The following NGFR variants were observed in gnomAD, a reference collection of about 807,000 sequenced individuals.
NGFR encodes the protein tumor necrosis factor receptor superfamily member 16.
In NGFR, 30 loss-of-function variants were observed where a neutral mutation model predicts 43.2. The ratio of observed to expected loss-of-function variants is 0.69; its 90% CI spans 0.52 to 0.94. NGFR has a LOEUF of 0.94. Among genes scored for constraint, NGFR ranks in the 40% least tolerant of loss-of-function variants. NGFR has a pLI of 0.00. For synonymous variants in NGFR, 246 were observed against 259.6 expected (o/e 0.95, Z 0.50); for missense variants, 529 against 602.5 (o/e 0.88, Z 1.28).
rs534686344 is a variant in NGFR at position 49,495,330 on chromosome 17, G to T, written c.-88G>T. 2.8e-6 allele frequency: 3 copies of T among 1,078,950 alleles called. No homozygotes were observed. Among genetic ancestry groups the T allele is most frequent in the Non-Finnish European group, 3.5e-6 (3 of 849,932 alleles). 66.8% of individuals were successfully genotyped at this position (1,078,950 alleles called of 1,614,324 possible). The stretch of plus-strand genomic sequence containing the variant: ...GCCGCGGCCAGCTCCGGCGGGCAGG[G>T]GGGGCGCTGGAGCGCAGCGCAGCGC... On this transcript the variant is annotated 5_prime_UTR_variant, in exon 1 of 6. Transcript: ENST00000172229. This position sits in a 1 kb window ranked among gnomAD's most constrained non-coding sequence, Gnocchi z 6.4.
chr17:49,506,021 G>A lies in NGFR; in HGVS notation c.209-278G>A, dbSNP rs114532657. The stretch of plus-strand genomic sequence containing the variant: ...CAAAGAGAATTTGCCAAGAAACTTA[G>A]CGGCACCAGCTGGGTTATGCCGGAA... On this transcript the variant is annotated intron_variant, in intron 2 of 5. Transcript: ENST00000172229. 2,382 of 489,150 alleles carry A rather than the reference G, an allele frequency of 4.9e-3. 45 individuals carry two copies. Among genetic ancestry groups the A allele is most frequent in the African/African-American group, 0.036 (1,839 of 50,666 alleles). 30.3% of individuals were successfully genotyped at this position (489,150 alleles called of 1,614,324 possible). A position where few individuals can be genotyped will look rare whatever the true frequency, so the allele number is the denominator to read the frequency against.
At position 49,498,138 on chromosome 17, in the gene NGFR, G is replaced by A. The variant is rs116295795; in HGVS notation, c.66+2655G>A. Among the ~76,000 whole-genome samples, 567 of 152,260 alleles carry A rather than the reference G, an allele frequency of 3.7e-3. 4 individuals are homozygous for A. Among genetic ancestry groups the A allele is most frequent in the African/African-American group, 0.013 (540 of 41,536 alleles). On this transcript the variant is annotated intron_variant, in intron 1 of 5. Transcript: ENST00000172229. Reference sequence around the variant, plus strand: ...CCAGTGAGTCAGTGGTGGCGTCTTTGTTGGAACCCAGGATGCTTGGCCTGG... The same window carrying A: ...CCAGTGAGTCAGTGGTGGCGTCTTTATTGGAACCCAGGATGCTTGGCCTGG...
chr17:49,506,574 G>A lies in NGFR; in HGVS notation c.484G>A (p.Asp162Asn). ...GTYSDEANHV[D>N]PCLPCTVCED... is the part of the protein sequence containing the mutation. The stretch of plus-strand genomic sequence containing the variant: ...GTATTCCGACGAGGCCAACCACGTG[G>A]ACCCGTGCCTGCCCTGCACCGTGTG... Residue 162 changes from aspartate to asparagine, a missense_variant, in exon 3 of 6, where the codon GAC becomes AAC. By Grantham distance (23) the Asp-to-Asn change is conservative. Transcript: ENST00000172229. The A allele has an allele frequency of 5.6e-6, 9 of 1,611,284 alleles. No individual in the cohort carries two copies. The highest frequency in any genetic ancestry group is 7.6e-6 in the Non-Finnish European group (9 of 1,179,524).
Position 49,514,593 on chromosome 17 carries a change from C to G in NGFR, c.*1584C>G, listed in dbSNP as rs1037533538. 1 of 152,258 alleles carries G rather than the reference C, an allele frequency of 6.6e-6. No individual in the cohort carries two copies. The highest frequency in any genetic ancestry group is 2.4e-5 in the African/African-American group (1 of 41,432). The allele number at this position is 152,258 out of a possible 1,614,324, so 9.4% of individuals were successfully genotyped here. ...GCTGTGCGCTGACAACCACCGCTCCCCAGCCCAGGGTTCCCCCAGCCCTGT... is the reference window on the plus strand; with the variant it reads ...GCTGTGCGCTGACAACCACCGCTCCGCAGCCCAGGGTTCCCCCAGCCCTGT... On this transcript the variant is annotated 3_prime_UTR_variant, in exon 6 of 6. Transcript: ENST00000172229.
In NGFR at chr17:49,506,809, C is replaced by T. The variant is rs182181745; in HGVS notation, c.568+151C>T. On this transcript the variant is annotated intron_variant, in intron 3 of 5. Transcript: ENST00000172229. ...GGCAGCGTGCACCTTCCCTGAGCTT[C>T]AGTCCTTTCCTGGTAACCTAAGGGA... is the stretch of plus-strand genomic sequence containing the variant. 4 of 707,016 alleles carry T rather than the reference C, an allele frequency of 5.7e-6. No individual in the cohort carries two copies. In the East Asian group the frequency reaches 8.3e-5, roughly 15 times the overall value. 43.8% of individuals were successfully genotyped at this position (707,016 alleles called of 1,614,324 possible).
intron 4 of NGFR, among the ~76,000 whole-genome samples, chr17:49,511,681 C>T (rs556957849): frequency 2.6e-5 from 4 of 152,308 alleles, no homozygotes; most frequent in Admixed American, 6.5e-5. Context: ...GGAACATTTA[C>T]TGAACACTTA....
intron 2 of NGFR, among the ~76,000 whole-genome samples, chr17:49,504,406 C>T (rs2071184198): frequency 6.6e-6 from 1 of 152,214 alleles, no homozygotes; most frequent in Non-Finnish European, 1.5e-5. Context: ...TGACCATATT[C>T]CTACCTCCAA....
intron 3 of NGFR, among the ~76,000 whole-genome samples, chr17:49,506,930 G>A (rs1287496064): frequency 8.5e-5 from 13 of 152,152 alleles, no homozygotes. Flanking sequence ...GTCCCAGGCC[G>A]CGGGTACTAC....
chr17:49,506,328 A>G lies in NGFR; in HGVS notation c.238A>G (p.Thr80Ala). The change falls in exon 3 of 6, where the codon ACC becomes GCC. Residue 80 changes from threonine to alanine, a missense_variant. Thr to Ala is a moderately conservative substitution (Grantham distance 58). Coordinates refer to ENST00000172229, the MANE Select transcript of NGFR (RefSeq NM_002507.4). ...SVTFSDVVSA[T>A]EPCKPCTECV... ...GACGTTCTCCGACGTGGTGAGCGCG[A>G]CCGAGCCGTGCAAGCCGTGCACCGA... 1 of 1,576,936 alleles carries G rather than the reference A, an allele frequency of 6.3e-7. No homozygotes were observed. The highest frequency in any genetic ancestry group is 8.6e-7 in the Non-Finnish European group (1 of 1,162,644).
At position 49,512,142 on chromosome 17, in the gene NGFR, G is replaced by A. The variant is rs1186914731; in HGVS notation, c.982+90G>A. Reference sequence around the variant, plus strand: ...TTAGACTCCAGGAAGGACTGTCGGGGGGGCGGCAGGGCTGGCTCAGCGGTG... The same window carrying A: ...TTAGACTCCAGGAAGGACTGTCGGGAGGGCGGCAGGGCTGGCTCAGCGGTG... On this transcript the variant is annotated intron_variant, in intron 5 of 5. Transcript: ENST00000172229. This position sits in a 1 kb window ranked among gnomAD's most constrained non-coding sequence, Gnocchi z 5.2. The A allele has an allele frequency of 4.8e-6, 7 of 1,471,238 alleles. No homozygotes were observed. The Admixed American group carries it at 1.3e-4, about 28-fold the overall frequency. The allele number at this position is 1,471,238 out of a possible 1,614,324, so 91.1% of individuals were successfully genotyped here.
intron 3 of NGFR, 41 bp downstream of exon 3, chr17:49,506,699 G>GGGGGGGGGGGGGGGGGGGGGGGGGGGCC: frequency 2.5e-6 from 1 of 402,094 alleles, no homozygotes. Flanking sequence ...GGGGTGCGGG[G>GGGGGGGGGGGGGGGGGGGGGGGGGGGCC]GTGGGCTGGG....
intron 1 of NGFR, chr17:49,497,058 C>T (rs2071142595): frequency 6.6e-6 from 1 of 152,230 alleles, no homozygotes; most frequent in South Asian, 2.1e-4. Context: ...CAAGTTGGGC[C>T]AGAGTCGTGG....
At position 49,507,268 on chromosome 17, in the gene NGFR, C is replaced by T. The variant is rs188715255; in HGVS notation, c.568+610C>T. On this transcript the variant is annotated intron_variant, in intron 3 of 5. Coordinates refer to ENST00000172229, the MANE Select transcript of NGFR (RefSeq NM_002507.4). ...GGTCATATGGCTGCCAGGGTTGTTG[C>T]GGGTTAGGGAATACAGTGGGGCTGG... Among the ~76,000 whole-genome samples the T allele has an allele frequency of 6.8e-4, 103 of 152,182 alleles. 1 individual carries two copies. In the South Asian group the frequency reaches 0.02, roughly 29 times the overall value.
chr17:49,513,226 G>A lies in NGFR; in HGVS notation c.*217G>A, dbSNP rs940661685. 7.9e-5 allele frequency: 43 copies of A among 546,826 alleles called. No individual in the cohort carries two copies. The highest frequency in any genetic ancestry group is 4.0e-4 in the Admixed American group (11 of 27,422). 33.9% of individuals were successfully genotyped at this position (546,826 alleles called of 1,614,324 possible). A position where few individuals can be genotyped will look rare whatever the true frequency, so the allele number is the denominator to read the frequency against. ...TGACCACACTTCCTGTCCAGAGAGA[G>A]AAGTGCCCCTGCTGCCTCCCCAACC... On this transcript the variant is annotated 3_prime_UTR_variant, in exon 6 of 6. Transcript: ENST00000172229.
rs1349544857 is a variant in NGFR, at chr17:49,512,473, G to A, written c.983-235G>A. On this transcript the variant is annotated intron_variant, in intron 5 of 5. Coordinates refer to ENST00000172229, the MANE Select transcript of NGFR (RefSeq NM_002507.4). The surrounding 1 kb of genome is among the most constrained non-coding windows in gnomAD (Gnocchi z 5.2). ...CTCCTCTGCCATGATTAATTGCTGGGGGGGAAGAGAGGAGGGATGGGGATA... is the reference window on the plus strand; with the variant it reads ...CTCCTCTGCCATGATTAATTGCTGGAGGGGAAGAGAGGAGGGATGGGGATA... 6.6e-6 allele frequency among the ~76,000 whole-genome samples: 1 copy of A among 152,206 alleles called. No individual in the cohort carries two copies. Among genetic ancestry groups the A allele is most frequent in the African/African-American group, 2.4e-5 (1 of 41,450 alleles).
intron 2 of NGFR, among the ~76,000 whole-genome samples, chr17:49,504,621 G>A (rs1430149045): frequency 2.6e-5 from 4 of 152,144 alleles, no homozygotes; most frequent in African/African-American, 9.7e-5. Context: ...ATAAGCGATG[G>A]AAATGGATTT....
At chr17:49,497,342 T>C (rs1362840040) in intron 1 of NGFR, 1 of 152,424 alleles carries the variant, frequency 6.6e-6, no homozygotes, top group East Asian at 1.9e-4. Flanking sequence ...GCACGTCTGC[T>C]GACTAACGCC....
chr17:49,502,278 G>A, intron 2 of NGFR, 74 bp downstream of exon 2: 1 of 1,486,628 alleles, frequency 6.7e-7, no homozygotes, highest in Non-Finnish European at 9.0e-7. Flanking sequence ...GAGGGGCGCT[G>A]GGGAGAAGCA....
Position 49,502,161 on chromosome 17 carries a change from G to T in NGFR, c.165G>T (p.Gln55His), listed in dbSNP as rs763775493. 1 of 1,611,940 alleles carries T rather than the reference G, an allele frequency of 6.2e-7. No individual in the cohort carries two copies. Among genetic ancestry groups the T allele is most frequent in the East Asian group, 2.2e-5 (1 of 44,836 alleles). Residue 55 changes from glutamine to histidine, a missense_variant, in exon 2 of 6, where the codon CAG becomes CAT. Coordinates refer to ENST00000172229, the MANE Select transcript of NGFR (RefSeq NM_002507.4). ...KACNLGEGVAQPCGANQTVCE... is the reference protein window; with the variant it reads ...KACNLGEGVAHPCGANQTVCE... ...GCAACCTGGGCGAGGGTGTGGCCCAGCCTTGTGGAGCCAACCAGACCGTGT... is the reference window on the plus strand; with the variant it reads ...GCAACCTGGGCGAGGGTGTGGCCCATCCTTGTGGAGCCAACCAGACCGTGT...
Sources: gnomAD v4.1 joint callset for allele counts (sites outside exome capture counted in the v4.1 genomes callset) on GRCh38, gnomAD v4.1.1 for gene constraint, Gnocchi (gnomAD v3.1) non-coding constraint, MANE v1.5 for transcripts, NCBI Gene and HGNC (gene_info 2026-07-23, HGNC 2026-07-21) for gene names.